DLG2: variants seen among roughly 807,000 people sequenced by gnomAD.
DLG2 encodes disks large homolog 2.
Under a neutral mutation model 132.5 loss-of-function variants are expected in DLG2, and 45 were observed. The ratio of observed to expected loss-of-function variants is 0.34; its 90% CI spans 0.27 to 0.44. The LOEUF is 0.44. DLG2 is among the 20% of genes least tolerant of loss of function. The pLI, the probability that DLG2 is intolerant of heterozygous loss-of-function variation, is 1.00. For synonymous variants in DLG2, 424 were observed against 419.6 expected, an observed-to-expected ratio of 1.01 and a Z score of -0.13; for missense variants, 1,045 against 1,196.9, an observed-to-expected ratio of 0.87 and a Z score of 1.87.
At chr11:85,501,145 C>T (rs1239483732) in intron 3 of DLG2, among the ~76,000 whole-genome samples, 2 of 152,158 alleles carry the variant, frequency 1.3e-5, no homozygotes, top group African/African-American at 2.4e-5. Flanking sequence ...CTTTGACAAA[C>T]CCGACAAAAA....
At chr11:85,238,435 G>A (rs1235496469) in intron 4 of DLG2, among the ~76,000 whole-genome samples, 1 of 151,652 alleles carries the variant, frequency 6.6e-6, no homozygotes, top group Non-Finnish European at 1.5e-5. Context: ...GTAGAGATAG[G>A]GTTTCACCAT....
rs143200047 is a variant in DLG2 at position 85,611,140 on chromosome 11, A to G, written c.-92-12352T>C. ...AGGCTCATGGGATGAACCCCCAACC[A>G]GTGGCATACCTAAGTAAGAAAATTG... On this transcript the variant is annotated intron_variant, in intron 2 of 27. Coordinates refer to ENST00000376104, the MANE Select transcript of DLG2 (RefSeq NM_001142699.3). Among the ~76,000 whole-genome samples the G allele has an allele frequency of 5.3e-3, 802 of 152,312 alleles. 8 individuals carry two copies. Among genetic ancestry groups the G allele is most frequent in the African/African-American group, 0.018 (745 of 41,562 alleles).
chr11:84,252,262 T>C (rs868006809), intron 7 of DLG2, among the ~76,000 whole-genome samples: 3 of 150,094 alleles, frequency 2.0e-5, no homozygotes, highest in Non-Finnish European at 3.0e-5. Context: ...ACGATTCTTC[T>C]GTCTCATCCT....
At chr11:84,937,698 G>A (rs1411974822) in intron 6 of DLG2, among the ~76,000 whole-genome samples, 4 of 152,146 alleles carry the variant, frequency 2.6e-5, no homozygotes, top group African/African-American at 2.4e-5. Flanking sequence ...AAGTTTGTAG[G>A]CAGACTGGTT....
chr11:85,606,689 T>G (rs1272220443), intron 2 of DLG2, among the ~76,000 whole-genome samples: 1 of 152,176 alleles, frequency 6.6e-6, no homozygotes, highest in African/African-American at 2.4e-5. Context: ...TGCTGCTCAC[T>G]CTTTGGGTCT....
intron 20 of DLG2, among the ~76,000 whole-genome samples, chr11:83,535,570 G>A (rs912344606): frequency 6.6e-6 from 1 of 151,702 alleles, no homozygotes; most frequent in African/African-American, 2.4e-5. Flanking sequence ...TATTAAGTCA[G>A]CCAGACACAC....
At chr11:83,518,924 T>C (rs2095390528) in intron 21 of DLG2, among the ~76,000 whole-genome samples, 1 of 152,146 alleles carries the variant, frequency 6.6e-6, no homozygotes, top group Non-Finnish European at 1.5e-5. Context: ...GGGGCTGGAC[T>C]GAGGGGCTGC....
chr11:84,612,419 C>T (rs1056559278), intron 6 of DLG2, among the ~76,000 whole-genome samples: 1 of 152,012 alleles, frequency 6.6e-6, no homozygotes, highest in Non-Finnish European at 1.5e-5. Flanking sequence ...CTTATGTAGA[C>T]ATACGCATTC....
At chr11:85,323,728 C>T (rs2081243970) in intron 3 of DLG2, among the ~76,000 whole-genome samples, 1 of 152,194 alleles carries the variant, frequency 6.6e-6, no homozygotes, top group South Asian at 2.1e-4. Flanking sequence ...TTTTTTAGCT[C>T]CCACATATTA....
At chr11:84,157,707 C>T (rs995413660) in intron 9 of DLG2, among the ~76,000 whole-genome samples, 15 of 152,216 alleles carry the variant, frequency 9.9e-5, no homozygotes, top group African/African-American at 3.1e-4. Context: ...ATCTACTTAT[C>T]GTCATAGTTT....
At chr11:85,535,536 G>T (rs1402014259) in intron 3 of DLG2, among the ~76,000 whole-genome samples, 1 of 152,046 alleles carries the variant, frequency 6.6e-6, no homozygotes, top group Non-Finnish European at 1.5e-5. Context: ...ATTGCTGATG[G>T]GATTGCAAAT....
chr11:84,317,285 G>C, intron 7 of DLG2: 1 of 1,459,316 alleles, frequency 6.9e-7, no homozygotes, highest in East Asian at 2.4e-5. Context: ...GCTATAAGCA[G>C]TGCATCGTGG....
chr11:84,959,442 A>G (rs2052200161), intron 6 of DLG2, among the ~76,000 whole-genome samples: 1 of 152,166 alleles, frequency 6.6e-6, no homozygotes, highest in African/African-American at 2.4e-5. Context: ...ATGCATCTAC[A>G]GTACTTGGCA....
intron 23 of DLG2, 87 bp from the exon 24 acceptor site, chr11:83,471,814 C>T (rs912997486): frequency 3.7e-6 from 4 of 1,067,516 alleles, no homozygotes; most frequent in Non-Finnish European, 5.7e-6. Context: ...TCTTAATTGC[C>T]AGACAGTAAG....
At chr11:85,602,896 C>A (rs2080269236) in intron 2 of DLG2, among the ~76,000 whole-genome samples, 2 of 152,188 alleles carry the variant, frequency 1.3e-5, no homozygotes, top group South Asian at 4.1e-4. Context: ...TCTTTCATAT[C>A]TCTGCTTATA....
intron 11 of DLG2, among the ~76,000 whole-genome samples, chr11:83,992,321 G>T (rs2093767349): frequency 6.6e-6 from 1 of 152,072 alleles, no homozygotes; most frequent in Admixed American, 6.6e-5. Context: ...ATGCAGTGTG[G>T]TAAGTGCTGC....
chr11:85,206,830 T>C (rs2081929247), intron 4 of DLG2, among the ~76,000 whole-genome samples: 1 of 151,996 alleles, frequency 6.6e-6, no homozygotes, highest in African/African-American at 2.4e-5. Context: ...CAAAATTCCT[T>C]CTAAAAATGA....
intron 3 of DLG2, among the ~76,000 whole-genome samples, chr11:85,324,925 C>T (rs371325812): frequency 2.0e-4 from 30 of 147,304 alleles, no homozygotes; most frequent in Non-Finnish European, 2.8e-4. Flanking sequence ...GCACCGTGCG[C>T]GAGCCGAAGC....
intron 8 of DLG2, among the ~76,000 whole-genome samples, chr11:84,241,092 T>C (rs1388609555): frequency 2.0e-5 from 3 of 152,238 alleles, no homozygotes; most frequent in Non-Finnish European, 4.4e-5. Context: ...TTACCTACTT[T>C]GCCTAGAAAT....
Sources: allele counts gnomAD v4.1 joint callset (sites outside exome capture counted in the v4.1 genomes callset), GRCh38; gene constraint gnomAD v4.1.1; transcripts MANE v1.5; gene names NCBI Gene and HGNC (gene_info 2026-07-23, HGNC 2026-07-21).